The following BMP8A variants were observed in gnomAD, a reference collection of about 807,000 sequenced individuals.
The protein encoded by BMP8A is BMP-8A.
A neutral mutation model predicts 36.8 loss-of-function variants in BMP8A; 14 were observed. The observed-to-expected ratio is 0.38, with a 90% CI of 0.25 to 0.60. BMP8A has a LOEUF of 0.60. Ranked by LOEUF, BMP8A falls within the 20% of genes least tolerant of loss-of-function variation. BMP8A has a pLI of 0.63. For synonymous variants in BMP8A, 120 were observed against 237.7 expected (o/e 0.50, Z 4.55); for missense variants, 267 against 551.1 (o/e 0.48, Z 5.16).
chr1:39,518,137 T>C (rs898367935), intron 3 of BMP8A, among the ~76,000 whole-genome samples: 2 of 152,194 alleles, frequency 1.3e-5, no homozygotes, highest in Admixed American at 1.3e-4. Flanking sequence ...GCACACGTGC[T>C]GTTGACAGCC....
chr1:39,525,725 A>G lies in BMP8A; in HGVS notation c.1136A>G (p.Tyr379Cys). Residue 379 changes from tyrosine (Y) to cysteine (C), a missense_variant, in exon 7 of 7, where the codon TAC becomes TGC. Tyr to Cys is a radical substitution (Grantham distance 194). Coordinates refer to ENST00000331593, the MANE Select transcript of BMP8A (RefSeq NM_181809.4). Reference protein sequence around the residue: ...PTKLSATSVLYYDSSNNVILR... With the variant: ...PTKLSATSVLCYDSSNNVILR... Reference sequence around the variant, plus strand: ...AAGCTGAGCGCCACCTCTGTGCTCTACTATGACAGCAGCAACAACGTCATC... The same window carrying G: ...AAGCTGAGCGCCACCTCTGTGCTCTGCTATGACAGCAGCAACAACGTCATC... The G allele has an allele frequency of 3.1e-6, 5 of 1,614,190 alleles. No homozygotes were observed. Among genetic ancestry groups the G allele is most frequent in the Non-Finnish European group, 4.2e-6 (5 of 1,180,016 alleles).
chr1:39,492,002 G>T lies in BMP8A; in HGVS notation c.11G>T (p.Arg4Leu). Residue 4 changes from arginine to leucine, a missense_variant, in exon 1 of 7, where the codon CGC (arginine) becomes CTC (leucine). Transcript: ENST00000331593. Reference protein sequence around the residue: MAARPGPLWLLGLT... With the variant: MAALPGPLWLLGLT... The stretch of plus-strand genomic sequence containing the variant: ...CGCCCCCGGCCCGCCATGGCCGCGC[G>T]CCCCGGACCGCTCTGGCTTCTGGGC... 1 of 1,084,710 alleles carries T rather than the reference G, an allele frequency of 9.2e-7. No individual in the cohort carries two copies. 67.2% of individuals were successfully genotyped at this position (1,084,710 alleles called of 1,614,324 possible). A position where few individuals can be genotyped will look rare whatever the true frequency, so the allele number is the denominator to read the frequency against.
intron 3 of BMP8A, chr1:39,515,014 C>G (rs1368591028): frequency 6.5e-7 from 1 of 1,545,304 alleles, no homozygotes; most frequent in East Asian, 2.4e-5. Context: ...GCCGGCGGCT[C>G]AGGGCTCGCG....
intron 1 of BMP8A, among the ~76,000 whole-genome samples, chr1:39,502,673 A>G (rs1645263159): frequency 6.6e-6 from 1 of 152,226 alleles, no homozygotes; most frequent in Non-Finnish European, 1.5e-5. Context: ...GAACAATTTG[A>G]GCAATGAAAT....
chr1:39,516,211 C>T, intron 3 of BMP8A: 1 of 612,386 alleles, frequency 1.6e-6, no homozygotes, highest in South Asian at 2.0e-5. Context: ...GTGCCATGGA[C>T]TTGGTGTCCA....
rs1024179590 is a variant in BMP8A at position 39,526,219 on chromosome 1, A to G, written c.*421A>G. ...GGTACAACACTGGCCATTTCTGGGC[A>G]AAATTGGACACGCTTATGTTCTCAG... On this transcript the variant is annotated 3_prime_UTR_variant, in exon 7 of 7. Coordinates refer to ENST00000331593, the MANE Select transcript of BMP8A (RefSeq NM_181809.4). Among the ~76,000 whole-genome samples, 2 of 152,216 alleles carry G rather than the reference A, an allele frequency of 1.3e-5. No homozygotes were observed. Among genetic ancestry groups the G allele is most frequent in the Non-Finnish European group, 2.9e-5 (2 of 68,040 alleles).
chr1:39,522,678 T>A (rs567226371), intron 5 of BMP8A, among the ~76,000 whole-genome samples, 196 bp downstream of exon 5: 4 of 152,348 alleles, frequency 2.6e-5, no homozygotes, highest in Non-Finnish European at 4.4e-5. Context: ...TTGTTTTTTT[T>A]AAAACCATGA....
Position 39,529,608 on chromosome 1 carries a change from T to C in BMP8A, c.*3810T>C, listed in dbSNP as rs1341173921. The stretch of plus-strand genomic sequence containing the variant: ...AAAAATTTTTTCTCACGTAAGAAAA[T>C]GTTATCTGTGTGCTGGGGAAAATTT... On this transcript the variant is annotated 3_prime_UTR_variant, in exon 7 of 7. Coordinates refer to ENST00000331593, the MANE Select transcript of BMP8A (RefSeq NM_181809.4). Among the ~76,000 whole-genome samples, 1 of 152,184 alleles carries C rather than the reference T, an allele frequency of 6.6e-6. No homozygotes were observed. The highest frequency in any genetic ancestry group is 1.5e-5 in the Non-Finnish European group (1 of 68,022).
intron 1 of BMP8A, 129 bp from the exon 2 acceptor site, chr1:39,511,045 C>T (rs544502849): frequency 1.5e-4 from 208 of 1,380,422 alleles, no homozygotes; most frequent in Non-Finnish European, 2.0e-4. Context: ...AAGCCGGCCC[C>T]ACCCAGGCCT....
rs1204866782 is a variant in BMP8A, at chr1:39,492,157, G to T, written c.166G>T (p.Gly56Trp). ...GATCCTGGCGGTGCTCGGGCTACCC[G>T]GGCGGCCCCGGCCCCGCGCGCCACC... ...REILAVLGLP[G>W]RPRPRAPPAA... Residue 56 changes from glycine to tryptophan, a missense_variant, in exon 1 of 7, where the codon GGG (glycine) becomes TGG (tryptophan). Physicochemically the swap from Gly to Trp is radical, Grantham distance 184. Around this residue, in one of 7 missense-constraint regions of BMP8A, gnomAD observed 56 missense variants for 74.1 expected, o/e 0.76. Coordinates refer to ENST00000331593, the MANE Select transcript of BMP8A (RefSeq NM_181809.4). 2 of 1,280,996 alleles carry T rather than the reference G, an allele frequency of 1.6e-6. No individual in the cohort carries two copies. The allele number at this position is 1,280,996 out of a possible 1,614,324, so 79.4% of individuals were successfully genotyped here.
At position 39,529,629 on chromosome 1, in the gene BMP8A, A is replaced by G. The variant is rs75348928; in HGVS notation, c.*3831A>G. Among the ~76,000 whole-genome samples, 100 of 152,324 alleles carry G rather than the reference A, an allele frequency of 6.6e-4. No homozygotes were observed. Among genetic ancestry groups the G allele is most frequent in the African/African-American group, 2.4e-3 (99 of 41,556 alleles). On this transcript the variant is annotated 3_prime_UTR_variant, in exon 7 of 7. Coordinates refer to ENST00000331593, the MANE Select transcript of BMP8A (RefSeq NM_181809.4). ...AAAATGTTATCTGTGTGCTGGGGAA[A>G]ATTTTGAAAATAACAAAAACCAGAA...
In BMP8A at chr1:39,529,297, G is replaced by A. The variant is rs1207594047; in HGVS notation, c.*3499G>A. 6.6e-6 allele frequency: 1 copy of A among 152,282 alleles called. No individual in the cohort carries two copies. The highest frequency in any genetic ancestry group is 1.5e-5 in the Non-Finnish European group (1 of 68,064). The allele number at this position is 152,282 out of a possible 1,614,324, so 9.4% of individuals were successfully genotyped here. ...TAGAGGTGCTGCTGTATTTACCTGAGAGCTATGCTTTTCATCAAAAACCTA... is the reference window on the plus strand; with the variant it reads ...TAGAGGTGCTGCTGTATTTACCTGAAAGCTATGCTTTTCATCAAAAACCTA... On this transcript the variant is annotated 3_prime_UTR_variant, in exon 7 of 7. Coordinates refer to ENST00000331593, the MANE Select transcript of BMP8A (RefSeq NM_181809.4).
At chr1:39,492,551 G>A (rs1645170197) in intron 1 of BMP8A, among the ~76,000 whole-genome samples, 2 of 152,206 alleles carry the variant, frequency 1.3e-5, no homozygotes, top group Admixed American at 6.5e-5. Context: ...GGACTCCCAG[G>A]CGCTGCCTTC....
At position 39,492,280 on chromosome 1, in the gene BMP8A, C is replaced by A; in HGVS notation, c.289C>A (p.Gln97Lys). Reference sequence around the variant, plus strand: ...CGACGAGGACGGCGCGCCCGCGGAGCAGCGCCTGGGCCGCGCCGACCTGGT... The same window carrying A: ...CGACGAGGACGGCGCGCCCGCGGAGAAGCGCCTGGGCCGCGCCGACCTGGT... ...DDDEDGAPAE[Q>K]RLGRADLVMS... The change falls in exon 1 of 7, where the codon CAG becomes AAG. Residue 97 changes from glutamine to lysine, a missense_variant. Gln to Lys is a moderately conservative substitution (Grantham distance 53). Around this residue, in one of 7 missense-constraint regions of BMP8A, gnomAD observed 37 missense variants for 39.5 expected, o/e 0.94. Transcript: ENST00000331593. The A allele has an allele frequency of 6.4e-7, 1 of 1,564,270 alleles. No individual in the cohort carries two copies. The highest frequency in any genetic ancestry group is 8.6e-7 in the Non-Finnish European group (1 of 1,165,912).
In BMP8A at chr1:39,528,036, A is replaced by C. The variant is rs113427124; in HGVS notation, c.*2238A>C. Among the ~76,000 whole-genome samples, 6 of 152,148 alleles carry C rather than the reference A, an allele frequency of 3.9e-5. No individual in the cohort carries two copies. Among genetic ancestry groups the C allele is most frequent in the South Asian group, 2.1e-4 (1 of 4,822 alleles). ...GCAGTAGAGTTTCGGAAACTGACAA[A>C]TGTGTGGTCTCTTCAGTGCCCAGTG... On this transcript the variant is annotated 3_prime_UTR_variant, in exon 7 of 7. Coordinates refer to ENST00000331593, the MANE Select transcript of BMP8A (RefSeq NM_181809.4).
At chr1:39,492,710 G>A (rs1174124071) in intron 1 of BMP8A, among the ~76,000 whole-genome samples, 2 of 152,216 alleles carry the variant, frequency 1.3e-5, no homozygotes, top group Non-Finnish European at 2.9e-5. Flanking sequence ...ACTGAGGAGA[G>A]GGACAAAGTT....
At chr1:39,502,999 T>G (rs1293587757) in intron 1 of BMP8A, among the ~76,000 whole-genome samples, 1 of 152,150 alleles carries the variant, frequency 6.6e-6, no homozygotes, top group Non-Finnish European at 1.5e-5. Context: ...TGAGCCAAGA[T>G]CATGTCATTG....
At chr1:39,509,544 CAA>C (rs939762798) in intron 1 of BMP8A, among the ~76,000 whole-genome samples, 4 of 152,192 alleles carry the variant, frequency 2.6e-5, no homozygotes, top group African/African-American at 9.6e-5. Flanking sequence ...TGGGACAAGA[CAA>C]GTTCATTTTT....
chr1:39,504,903 C>T (rs1066945), intron 1 of BMP8A, among the ~76,000 whole-genome samples: 143,167 of 152,264 alleles, frequency 0.94, 67,347 homozygotes, highest in East Asian at 1. Flanking sequence ...GGAAAGTTGC[C>T]GTGCCTCGAT....
Sources: allele counts gnomAD v4.1 joint callset (sites outside exome capture counted in the v4.1 genomes callset), GRCh38; gene constraint gnomAD v4.1.1; regional missense constraint gnomAD v4.1.1; transcripts MANE v1.5; gene names NCBI Gene and HGNC (gene_info 2026-07-23, HGNC 2026-07-21).